Variants in MTMR7 observed in about 807,000 individuals in gnomAD.
MTMR7 encodes phosphatidylinositol-3-phosphate phosphatase MTMR7.
MTMR7 carries 76 observed loss-of-function variants against 81.2 expected under a neutral mutation model. That is an observed-to-expected ratio of 0.94 (90% CI 0.78 to 1.13). MTMR7 has a LOEUF of 1.13. Ranked by LOEUF, MTMR7 falls within the 50% of genes most tolerant of loss-of-function variation. The pLI is 0.00. For missense variants in MTMR7, 1,044 were observed against 820.0 expected (o/e 1.27, Z -3.34); for synonymous variants, 372 against 289.8 (o/e 1.28, Z -2.88).
intron 6 of MTMR7, among the ~76,000 whole-genome samples, chr8:17,333,876 A>G (rs1352070770): frequency 6.6e-6 from 1 of 152,130 alleles, no homozygotes; most frequent in Non-Finnish European, 1.5e-5. Context: ...TTCACCCACA[A>G]GGGACAGGAG....
At chr8:17,303,400 C>T (rs1270096939) in intron 12 of MTMR7, among the ~76,000 whole-genome samples, 1 of 152,170 alleles carries the variant, frequency 6.6e-6, no homozygotes, top group African/African-American at 2.4e-5. Flanking sequence ...GGAGAAAAGC[C>T]ATCAAGTCTG....
chr8:17,347,424 ACT>A (rs2150546842), intron 5 of MTMR7, among the ~76,000 whole-genome samples: 1 of 152,166 alleles, frequency 6.6e-6, no homozygotes, highest in Admixed American at 6.5e-5. Flanking sequence ...CTATGTGCTC[ACT>A]CTGATGAAGC....
intron 1 of MTMR7, among the ~76,000 whole-genome samples, chr8:17,407,159 C>A (rs964598662): frequency 2.0e-5 from 3 of 152,020 alleles, no homozygotes; most frequent in African/African-American, 2.4e-5. Context: ...ACACTATACA[C>A]ACACACTAAA....
chr8:17,344,637 C>G (rs939592440), intron 5 of MTMR7, among the ~76,000 whole-genome samples: 1 of 152,082 alleles, frequency 6.6e-6, no homozygotes, highest in East Asian at 1.9e-4. Context: ...GCAGAAAGAC[C>G]TGGCTTCCAG....
chr8:17,396,964 C>A (rs963911992), intron 1 of MTMR7, among the ~76,000 whole-genome samples: 4 of 152,010 alleles, frequency 2.6e-5, no homozygotes, highest in Non-Finnish European at 5.9e-5. Context: ...TTTCTAGACA[C>A]ACCTTGGGAC....
At chr8:17,308,874 C>A (rs185831209) in intron 10 of MTMR7, among the ~76,000 whole-genome samples, 8 of 152,204 alleles carry the variant, frequency 5.3e-5, no homozygotes, top group Non-Finnish European at 8.8e-5. Flanking sequence ...CACTCCGATA[C>A]AAATGCCTTA....
chr8:17,397,885 T>C (rs1188532486), intron 1 of MTMR7, among the ~76,000 whole-genome samples: 4 of 152,174 alleles, frequency 2.6e-5, no homozygotes, highest in Non-Finnish European at 4.4e-5. Flanking sequence ...AGAGAATACA[T>C]TTGTTTGGGA....
At chr8:17,351,359 T>C (rs1819723545) in intron 4 of MTMR7, among the ~76,000 whole-genome samples, 1 of 152,156 alleles carries the variant, frequency 6.6e-6, no homozygotes, top group Non-Finnish European at 1.5e-5. Context: ...AACACCTAGG[T>C]TCACTGGCAT....
At chr8:17,394,718 A>T (rs1480175758) in intron 1 of MTMR7, among the ~76,000 whole-genome samples, 2 of 152,188 alleles carry the variant, frequency 1.3e-5, no homozygotes, top group East Asian at 3.8e-4. Flanking sequence ...TAATTATGCC[A>T]AAATCAAAAA....
rs1241656365 is a variant in MTMR7 at position 17,331,087 on chromosome 8, A to T, written c.865+63T>A. 40 of 1,549,564 alleles carry T rather than the reference A, an allele frequency of 2.6e-5. No individual in the cohort carries two copies. In the East Asian group the frequency reaches 9.3e-4, roughly 36 times the overall value. On this transcript the variant is annotated intron_variant, in intron 7 of 13. Transcript: ENST00000180173. ...AACATTTTAAAATCAAGACTATCTTATTCCCTTTTGGCATCAAAATACTTA... is the reference window on the plus strand; with the variant it reads ...AACATTTTAAAATCAAGACTATCTTTTTCCCTTTTGGCATCAAAATACTTA...
At chr8:17,300,327 TTAA>T in intron 13 of MTMR7, 103 bp from the exon 14 acceptor site, 2 of 1,257,976 alleles carry the variant, frequency 1.6e-6, no homozygotes, top group South Asian at 3.1e-5. Flanking sequence ...GGGTATAATG[TTAA>T]GAACATGTGA....
At chr8:17,346,785 A>G (rs1172236269) in intron 5 of MTMR7, among the ~76,000 whole-genome samples, 1 of 149,072 alleles carries the variant, frequency 6.7e-6, no homozygotes, top group Non-Finnish European at 1.5e-5. Context: ...CTCTTCTTTA[A>G]TCAATGGATG....
Position 17,300,098 on chromosome 8 carries a change from T to C in MTMR7, c.1747A>G (p.Ser583Gly). The change falls in exon 14 of 14, where the codon AGT (serine) becomes GGT (glycine). Residue 583 changes from serine (S) to glycine (G), a missense_variant. Transcript: ENST00000180173. ...NSIANTPQDY[S>G]GNMKSFPSRS... ...GATGGAAATGATTTCATATTCCCAC[T>C]GTAATCCTGGGGAGTGTTGGCTATG... The C allele has an allele frequency of 6.2e-7, 1 of 1,614,164 alleles. No homozygotes were observed. The highest frequency in any genetic ancestry group is 8.5e-7 in the Non-Finnish European group (1 of 1,180,024).
chr8:17,304,801 CAA>C (rs1482055211), intron 11 of MTMR7, among the ~76,000 whole-genome samples: 1 of 132,762 alleles, frequency 7.5e-6, no homozygotes, highest in East Asian at 2.2e-4. Context: ...TTTTTTCCCC[CAA>C]ATAGTCATTG....
At chr8:17,360,824 C>T (rs967471832) in intron 4 of MTMR7, among the ~76,000 whole-genome samples, 1 of 152,104 alleles carries the variant, frequency 6.6e-6, no homozygotes, top group Non-Finnish European at 1.5e-5. Flanking sequence ...TCCAGGCCAG[C>T]TCTCCCACCA....
chr8:17,381,923 G>C (rs1364018924), intron 1 of MTMR7, among the ~76,000 whole-genome samples: 1 of 152,194 alleles, frequency 6.6e-6, no homozygotes, highest in African/African-American at 2.4e-5. Flanking sequence ...GGAGCAGGCA[G>C]TTTAGACATT....
At chr8:17,305,651 G>A (rs1817400461) in intron 11 of MTMR7, 106 bp downstream of exon 11, 1 of 918,662 alleles carries the variant, frequency 1.1e-6, no homozygotes, top group South Asian at 1.6e-5. Context: ...GTATAGGTAT[G>A]TGACTAAATG....
intron 1 of MTMR7, among the ~76,000 whole-genome samples, chr8:17,373,604 A>G (rs1472351949): frequency 3.9e-5 from 6 of 152,328 alleles, no homozygotes; most frequent in South Asian, 2.1e-4. Context: ...AGTTTACACT[A>G]TGTATCAATT....
intron 7 of MTMR7, among the ~76,000 whole-genome samples, chr8:17,317,333 T>C (rs937077686): frequency 6.6e-6 from 1 of 152,194 alleles, no homozygotes; most frequent in African/African-American, 2.4e-5. Context: ...TGCGAGTCCT[T>C]TGTCTTCGAT....
Sources: allele counts gnomAD v4.1 joint callset (sites outside exome capture counted in the v4.1 genomes callset), GRCh38; gene constraint gnomAD v4.1.1; transcripts MANE v1.5; gene names NCBI Gene and HGNC (gene_info 2026-07-23, HGNC 2026-07-21).